Variants in ST6GALNAC5 observed in about 807,000 individuals in gnomAD.
The protein encoded by ST6GALNAC5 is ST6 N-acetylgalactosaminide alpha-2,6-sialyltransferase 5.
ST6GALNAC5 carries 27 observed loss-of-function variants against 33.6 expected under a neutral mutation model. The observed-to-expected ratio is 0.80, with a 90% CI of 0.59 to 1.11. The LOEUF (loss-of-function observed/expected upper bound fraction) is 1.11. Among genes scored for constraint, ST6GALNAC5 ranks in the 50% least tolerant of loss-of-function variants. The pLI is 0.00. For missense variants in ST6GALNAC5, 428 were observed against 454.0 expected (o/e 0.94, Z 0.52); for synonymous variants, 194 against 171.2 (o/e 1.13, Z -1.04).
At chr1:77,053,280 C>A (rs534931973) in intron 4 of ST6GALNAC5, among the ~76,000 whole-genome samples, 8 of 152,166 alleles carry the variant, frequency 5.3e-5, no homozygotes, top group Non-Finnish European at 8.8e-5. Flanking sequence ...ATCGCCAGGG[C>A]CAAAAATGGT....
Position 76,979,395 on chromosome 1 carries a change from A to G in ST6GALNAC5, c.262-64809A>G, listed in dbSNP as rs551680485. Among the ~76,000 whole-genome samples the G allele has an allele frequency of 2.0e-5, 3 of 152,334 alleles. No individual in the cohort carries two copies. The South Asian group carries it at 6.2e-4, about 32-fold the overall frequency. On this transcript the variant is annotated intron_variant, in intron 2 of 4. Coordinates refer to ENST00000477717, the MANE Select transcript of ST6GALNAC5 (RefSeq NM_030965.3). ...TTAAAATACACTACAAGGCTATAGT[A>G]ATCAAAACAGCATGGTACTGGCATA...
intron 2 of ST6GALNAC5, among the ~76,000 whole-genome samples, chr1:76,902,782 A>G (rs1646830838): frequency 6.6e-6 from 1 of 152,180 alleles, no homozygotes; most frequent in South Asian, 2.1e-4. Context: ...TGGTTATTCA[A>G]TAAAGAATAT....
At chr1:76,903,277 C>T (rs541882972) in intron 2 of ST6GALNAC5, among the ~76,000 whole-genome samples, 4 of 152,150 alleles carry the variant, frequency 2.6e-5, no homozygotes, top group East Asian at 1.9e-4. Context: ...ACAAAGCACA[C>T]GGAAAGATTC....
chr1:77,003,736 C>G (rs988024017), intron 2 of ST6GALNAC5, among the ~76,000 whole-genome samples: 2 of 151,346 alleles, frequency 1.3e-5, no homozygotes, highest in South Asian at 2.1e-4. Flanking sequence ...GATTTTATTT[C>G]TCCTTCACTT....
At chr1:76,896,204 C>T (rs535280606) in intron 2 of ST6GALNAC5, among the ~76,000 whole-genome samples, 120 of 152,204 alleles carry the variant, frequency 7.9e-4, no homozygotes, top group Non-Finnish European at 1.4e-3. Flanking sequence ...CTTCTCAGAC[C>T]CTGTAGGAAA....
chr1:77,037,053 TA>T (rs1651669225), intron 2 of ST6GALNAC5, among the ~76,000 whole-genome samples: 2 of 151,972 alleles, frequency 1.3e-5, no homozygotes, highest in Non-Finnish European at 2.9e-5. Flanking sequence ...ATTGCTAACA[TA>T]AAGTATATCA....
chr1:76,995,018 A>G (rs916685053), intron 2 of ST6GALNAC5, among the ~76,000 whole-genome samples: 2 of 152,180 alleles, frequency 1.3e-5, no homozygotes, highest in African/African-American at 4.8e-5. Flanking sequence ...TTCATAAATC[A>G]CCTTCCATTG....
At chr1:76,873,189 A>G (rs1378008016) in intron 2 of ST6GALNAC5, among the ~76,000 whole-genome samples, 1 of 152,068 alleles carries the variant, frequency 6.6e-6, no homozygotes. Flanking sequence ...GCTCTTCCCC[A>G]AGGTCTTTTG....
intron 2 of ST6GALNAC5, among the ~76,000 whole-genome samples, chr1:77,040,021 C>T (rs1487596817): frequency 2.0e-5 from 3 of 152,148 alleles, no homozygotes; most frequent in African/African-American, 7.2e-5. Flanking sequence ...ATATTTCCAC[C>T]CATATCATTA....
chr1:76,999,256 T>C (rs1650052467), intron 2 of ST6GALNAC5, among the ~76,000 whole-genome samples: 1 of 152,208 alleles, frequency 6.6e-6, no homozygotes, highest in Non-Finnish European at 1.5e-5. Flanking sequence ...ATTTAGGTAC[T>C]GAATTTAATC....
intron 2 of ST6GALNAC5, among the ~76,000 whole-genome samples, chr1:76,938,361 T>A (rs191578346): frequency 6.6e-6 from 1 of 151,758 alleles, no homozygotes; most frequent in East Asian, 1.9e-4. Flanking sequence ...GCTGAAAGAG[T>A]TTTCTTTGTA....
At position 76,882,389 on chromosome 1, in the gene ST6GALNAC5, C is replaced by T. The variant is rs1478277960; in HGVS notation, c.261+13647C>T. Among the ~76,000 whole-genome samples the T allele has an allele frequency of 2.6e-5, 4 of 152,114 alleles. No individual in the cohort carries two copies. In the East Asian group the frequency reaches 7.7e-4, roughly 29 times the overall value. The stretch of plus-strand genomic sequence containing the variant: ...AAACATCATCAGGAGACTTAGTTAA[C>T]CAAGTGTTTGAAGAACTACCATTCT... On this transcript the variant is annotated intron_variant, in intron 2 of 4. Transcript: ENST00000477717.
chr1:76,939,554 T>C (rs1647277929), intron 2 of ST6GALNAC5, among the ~76,000 whole-genome samples: 1 of 152,076 alleles, frequency 6.6e-6, no homozygotes, highest in Non-Finnish European at 1.5e-5. Context: ...AAAATGTGAA[T>C]TGGTTTCAGT....
Position 77,060,655 on chromosome 1 carries a change from T to A in ST6GALNAC5, c.780-2320T>A, listed in dbSNP as rs141508065. 1.9e-3 allele frequency among the ~76,000 whole-genome samples: 294 copies of A among 152,242 alleles called. 2 individuals carry two copies. Among genetic ancestry groups the A allele is most frequent in the African/African-American group, 6.7e-3 (278 of 41,538 alleles). On this transcript the variant is annotated intron_variant, in intron 4 of 4. Coordinates refer to ENST00000477717, the MANE Select transcript of ST6GALNAC5 (RefSeq NM_030965.3). The stretch of plus-strand genomic sequence containing the variant: ...AATCACAGTAACCAAATATGTAAAT[T>A]TAATTCTCTTTTTAGGGGATCAATA...
At position 76,998,293 on chromosome 1, in the gene ST6GALNAC5, G is replaced by T. The variant is rs781109807; in HGVS notation, c.262-45911G>T. Among the ~76,000 whole-genome samples, 129 of 152,132 alleles carry T rather than the reference G, an allele frequency of 8.5e-4. 2 individuals carry two copies. The highest frequency in any genetic ancestry group is 2.2e-4 in the Non-Finnish European group (15 of 68,032). ...GCTCCTGAGGTCTAGCTATTCAGGA[G>T]GCTAAGGCAGGAGGATCGCTTGAGC... On this transcript the variant is annotated intron_variant, in intron 2 of 4. Coordinates refer to ENST00000477717, the MANE Select transcript of ST6GALNAC5 (RefSeq NM_030965.3).
intron 2 of ST6GALNAC5, among the ~76,000 whole-genome samples, chr1:76,918,677 C>T (rs896205514): frequency 8.6e-5 from 13 of 151,154 alleles, no homozygotes; most frequent in African/African-American, 3.2e-4. Flanking sequence ...ACCAAGCAGT[C>T]CTCATCCTTC....
chr1:76,939,713 A>T (rs1295046358), intron 2 of ST6GALNAC5, among the ~76,000 whole-genome samples: 1 of 152,088 alleles, frequency 6.6e-6, no homozygotes, highest in Non-Finnish European at 1.5e-5. Context: ...TATACATTAG[A>T]CCTTCATTCA....
intron 2 of ST6GALNAC5, among the ~76,000 whole-genome samples, chr1:76,874,909 AT>A (rs746693900): frequency 5.9e-5 from 9 of 152,322 alleles, no homozygotes; most frequent in South Asian, 4.1e-4. Context: ...TGAGGTCATA[AT>A]AATGCCTAAC....
At chr1:77,055,701 A>G (rs1652373128) in intron 4 of ST6GALNAC5, among the ~76,000 whole-genome samples, 1 of 152,098 alleles carries the variant, frequency 6.6e-6, no homozygotes, top group Admixed American at 6.5e-5. Context: ...AGTCAGACCT[A>G]CTGGGCCCAC....
Sources: allele counts gnomAD v4.1 joint callset (sites outside exome capture counted in the v4.1 genomes callset), GRCh38; gene constraint gnomAD v4.1.1; transcripts MANE v1.5; gene names NCBI Gene and HGNC (gene_info 2026-07-23, HGNC 2026-07-21).